CTNNA3: variants seen among roughly 807,000 people sequenced by gnomAD.
The protein encoded by CTNNA3 is catenin alpha 3, also known as catenin alpha-3.
In CTNNA3, 76 loss-of-function variants were observed where a neutral mutation model predicts 95.7. The observed-to-expected ratio is 0.79, with a 90% CI of 0.66 to 0.96. The LOEUF (loss-of-function observed/expected upper bound fraction) is 0.96, where lower values mean the gene tolerates loss of function less well. CTNNA3 is among the 40% of genes least tolerant of loss of function. CTNNA3 has a pLI of 0.00. For missense variants in CTNNA3, 1,191 were observed against 1,089.8 expected (o/e 1.09, Z -1.31); for synonymous variants, 431 against 374.4 (o/e 1.15, Z -1.74).
chr10:66,565,956 G>A (rs541378151), intron 10 of CTNNA3, among the ~76,000 whole-genome samples: 1 of 152,294 alleles, frequency 6.6e-6, no homozygotes, highest in African/African-American at 2.4e-5. Context: ...AAAAGGAAAT[G>A]AGGTAAATAA....
At chr10:66,559,465 T>A (rs1227112217) in intron 10 of CTNNA3, among the ~76,000 whole-genome samples, 4 of 151,784 alleles carry the variant, frequency 2.6e-5, no homozygotes, top group African/African-American at 9.7e-5. Flanking sequence ...AACTCTGGGT[T>A]GGGTATTTGC....
intron 12 of CTNNA3, among the ~76,000 whole-genome samples, chr10:66,306,075 T>TA (rs1018534230): frequency 3.3e-5 from 5 of 152,234 alleles, no homozygotes; most frequent in East Asian, 1.9e-4. Context: ...AAGCAAATAA[T>TA]AAAAAACTGT....
intron 11 of CTNNA3, among the ~76,000 whole-genome samples, chr10:66,473,798 G>A (rs571404877): frequency 2.0e-5 from 3 of 152,138 alleles, no homozygotes; most frequent in African/African-American, 7.2e-5. Context: ...AGTTTGCTGA[G>A]AATGATGGTT....
intron 9 of CTNNA3, among the ~76,000 whole-genome samples, chr10:66,691,021 G>C (rs1307704104): frequency 6.6e-6 from 1 of 152,178 alleles, no homozygotes; most frequent in African/African-American, 2.4e-5. Flanking sequence ...ACAGCTCCCA[G>C]AGTGATCGAT....
intron 11 of CTNNA3, among the ~76,000 whole-genome samples, chr10:66,444,459 G>A (rs1005640866): frequency 6.6e-6 from 1 of 152,194 alleles, no homozygotes; most frequent in Non-Finnish European, 1.5e-5. Context: ...AAAGCCATCA[G>A]ACTAACAGTA....
intron 5 of CTNNA3, among the ~76,000 whole-genome samples, chr10:67,434,746 C>T (rs1040598804): frequency 6.6e-6 from 1 of 151,962 alleles, no homozygotes; most frequent in African/African-American, 2.4e-5. Context: ...TCCTAAAAAG[C>T]ACCTGATTCG....
rs536179130 is a variant in CTNNA3 at position 66,126,457 on chromosome 10, C to T, written c.1885-23208G>A. Among the ~76,000 whole-genome samples, 93 of 152,294 alleles carry T rather than the reference C, an allele frequency of 6.1e-4. 1 individual carries two copies. Among genetic ancestry groups the T allele is most frequent in the Middle Eastern group, 6.8e-3 (2 of 294 alleles). On this transcript the variant is annotated intron_variant, in intron 13 of 17. Transcript: ENST00000433211. ...TAGTATGCACACATATATTCCCTTG[C>T]TCTGTCAGCTGTCACCTAAAAGAAA...
At chr10:66,951,088 T>TACACAC (rs3056558) in intron 7 of CTNNA3, among the ~76,000 whole-genome samples, 81 of 146,140 alleles carry the variant, frequency 5.5e-4, no homozygotes, top group African/African-American at 1.6e-3. Context: ...TAACATTAAA[T>TACACAC]ACACACACAC....
intron 13 of CTNNA3, among the ~76,000 whole-genome samples, chr10:66,168,734 G>T (rs2085268119): frequency 6.6e-6 from 1 of 152,020 alleles, no homozygotes; most frequent in Non-Finnish European, 1.5e-5. Context: ...TTATTCTCCA[G>T]TCTTTGTAGA....
intron 7 of CTNNA3, among the ~76,000 whole-genome samples, chr10:66,976,749 A>G (rs189949439): frequency 3.3e-5 from 5 of 152,270 alleles, no homozygotes; most frequent in Admixed American, 6.5e-5. Flanking sequence ...TTTTCTCATT[A>G]TTCATTTCAT....
At chr10:67,263,421 G>A (rs1192332401) in intron 5 of CTNNA3, among the ~76,000 whole-genome samples, 1 of 152,140 alleles carries the variant, frequency 6.6e-6, no homozygotes, top group Non-Finnish European at 1.5e-5. Flanking sequence ...TTGATTTGTG[G>A]CATGAAGAAT....
chr10:66,869,840 G>A (rs1192619057), intron 7 of CTNNA3, among the ~76,000 whole-genome samples: 1 of 152,084 alleles, frequency 6.6e-6, no homozygotes, highest in Admixed American at 6.6e-5. Flanking sequence ...TGTAACCCAA[G>A]GCATTTTAGA....
At chr10:67,267,103 G>C (rs1866859431) in intron 5 of CTNNA3, among the ~76,000 whole-genome samples, 1 of 152,086 alleles carries the variant, frequency 6.6e-6, no homozygotes, top group Admixed American at 6.5e-5. Context: ...TATTTTAAAA[G>C]ACTGACCCAA....
intron 1 of CTNNA3, among the ~76,000 whole-genome samples, chr10:67,747,174 T>C (rs1050529863): frequency 2.6e-5 from 4 of 152,208 alleles, no homozygotes; most frequent in Non-Finnish European, 5.9e-5. Flanking sequence ...ATGGTCTCCA[T>C]GGACCAGCAG....
chr10:66,445,162 A>G (rs1421694886), intron 11 of CTNNA3, among the ~76,000 whole-genome samples: 2 of 151,122 alleles, frequency 1.3e-5, no homozygotes, highest in African/African-American at 4.9e-5. Flanking sequence ...GAGCAACCAG[A>G]TTCATAAAGC....
At chr10:67,452,142 T>C (rs1019759263) in intron 5 of CTNNA3, among the ~76,000 whole-genome samples, 1 of 151,774 alleles carries the variant, frequency 6.6e-6, no homozygotes, top group African/African-American at 2.4e-5. Context: ...TAAGCAACAC[T>C]TTAAAGCATC....
chr10:66,438,054 G>A (rs1253227572), intron 11 of CTNNA3, among the ~76,000 whole-genome samples: 2 of 152,070 alleles, frequency 1.3e-5, no homozygotes, highest in Non-Finnish European at 2.9e-5. Context: ...AGTGCTGCCT[G>A]CTCCTTCCTC....
chr10:66,736,759 C>T (rs555356616), intron 9 of CTNNA3, among the ~76,000 whole-genome samples: 125 of 151,896 alleles, frequency 8.2e-4, no homozygotes, highest in African/African-American at 2.7e-3. Context: ...CCGTATTATT[C>T]GTTTACAGCA....
intron 3 of CTNNA3, among the ~76,000 whole-genome samples, chr10:67,590,981 A>T (rs1020684921): frequency 3.9e-5 from 6 of 152,082 alleles, no homozygotes; most frequent in Non-Finnish European, 2.9e-5. Context: ...CTACTCCCAA[A>T]GCGTAAAAAA....
Sources: gnomAD v4.1 joint callset for allele counts (sites outside exome capture counted in the v4.1 genomes callset) on GRCh38, gnomAD v4.1.1 for gene constraint, MANE v1.5 for transcripts, NCBI Gene and HGNC (gene_info 2026-07-23, HGNC 2026-07-21) for gene names.